FAM240C: variants seen among roughly 807,000 people sequenced by gnomAD.
FAM240C encodes the protein family with sequence similarity 240 member C, also known as protein FAM240C.
In FAM240C, 14 loss-of-function variants were observed where a neutral mutation model predicts 10.0. That is an observed-to-expected ratio of 1.40 (90% CI 0.92 to 2.19). The LOEUF (loss-of-function observed/expected upper bound fraction) is 2.19, where lower values mean the gene tolerates loss of function less well. FAM240C is among the 30% of genes most tolerant of loss of function. FAM240C has a pLI of 0.00. For missense variants in FAM240C, 154 were observed against 122.3 expected (o/e 1.26, Z -1.22); for synonymous variants, 49 against 44.3 (o/e 1.11, Z -0.42).
chr2:241,897,966 C>G (rs921090125), intron 1 of FAM240C, among the ~76,000 whole-genome samples: 1 of 152,156 alleles, frequency 6.6e-6, no homozygotes, highest in East Asian at 1.9e-4. Flanking sequence ...AGCTCCTGGG[C>G]TCAAGCAGTC....
At chr2:241,898,283 G>T (rs1205459540) in intron 1 of FAM240C, among the ~76,000 whole-genome samples, 1 of 152,204 alleles carries the variant, frequency 6.6e-6, no homozygotes, top group African/African-American at 2.4e-5. Context: ...GGGCGTGGTG[G>T]CTCACGCCTG....
rs959636674 is a variant in FAM240C, at chr2:241,900,239, G to A, written c.12+119C>T. 9.1e-6 allele frequency: 6 copies of A among 662,780 alleles called. No homozygotes were observed. Among genetic ancestry groups the A allele is most frequent in the African/African-American group, 3.6e-5 (2 of 55,608 alleles). 41.1% of individuals were successfully genotyped at this position (662,780 alleles called of 1,614,324 possible). A position where few individuals can be genotyped will look rare whatever the true frequency, so the allele number is the denominator to read the frequency against. On this transcript the variant is annotated intron_variant, in intron 1 of 2. Transcript: ENST00000404031. This position sits in a 1 kb window ranked among gnomAD's most constrained non-coding sequence, Gnocchi z 4.5. ...AAGTTCAGTTCCCCCAGCGAAATGC[G>A]GGTGGGCTCACGTCTTGTGCCAGAT...
At chr2:241,898,639 G>A (rs538793680) in intron 1 of FAM240C, among the ~76,000 whole-genome samples, 4 of 152,258 alleles carry the variant, frequency 2.6e-5, no homozygotes, top group South Asian at 4.1e-4. Context: ...CCCTCCTCCC[G>A]ATTTCACCCA....
Position 241,894,353 on chromosome 2 carries a change from A to G in FAM240C, c.162-14T>C. ...CCCACGCGGAGCCTGGGGCAGGGCG[A>G]TAATTTCGGCATTGTGAGTCAAGCT... On this transcript the variant is annotated splice_polypyrimidine_tract_variant and intron_variant, in intron 2 of 2. Transcript: ENST00000404031. 6.5e-7 allele frequency: 1 copy of G among 1,534,584 alleles called. No homozygotes were observed. Among genetic ancestry groups the G allele is most frequent in the South Asian group, 1.2e-5 (1 of 83,786 alleles).
chr2:241,895,156 C>T (rs1046136534), intron 2 of FAM240C, among the ~76,000 whole-genome samples: 6 of 152,256 alleles, frequency 3.9e-5, no homozygotes, highest in Non-Finnish European at 8.8e-5. Context: ...CAGTGTACCC[C>T]GGACGGCTGG....
chr2:241,894,143 G>C lies in FAM240C; in HGVS notation c.*70C>G. On this transcript the variant is annotated 3_prime_UTR_variant, in exon 3 of 3. Coordinates refer to ENST00000404031, the MANE Select transcript of FAM240C (RefSeq NM_001382368.1). Reference sequence around the variant, plus strand: ...CTGTGAACTCTGGCGTGGATGCTTGGACCCCACGCGTGGTGTTCCTTCTCC... The same window carrying C: ...CTGTGAACTCTGGCGTGGATGCTTGCACCCCACGCGTGGTGTTCCTTCTCC... 1 of 1,490,584 alleles carries C rather than the reference G, an allele frequency of 6.7e-7. No homozygotes were observed. The highest frequency in any genetic ancestry group is 9.0e-7 in the Non-Finnish European group (1 of 1,106,564). 92.3% of individuals were successfully genotyped at this position (1,490,584 alleles called of 1,614,324 possible).
intron 1 of FAM240C, among the ~76,000 whole-genome samples, chr2:241,898,781 A>C (rs1304304217): frequency 6.6e-6 from 1 of 152,050 alleles, no homozygotes; most frequent in East Asian, 1.9e-4. Flanking sequence ...TGGGGTTTAC[A>C]CAAGGGAGCC....
At chr2:241,902,279 T>TGCCGGGCTCCAGCC (rs1702000406), upstream of FAM240C, among the ~76,000 whole-genome samples, 4 of 142,892 alleles carry the variant, frequency 2.8e-5, no homozygotes, top group South Asian at 6.7e-4. This position sits in a 1 kb window ranked among gnomAD's most constrained non-coding sequence, Gnocchi z 7.1. Context: ...GGGCTCCAGC[T>TGCCGGGCTCCAGCC]ACCGGGCTCA....
chr2:241,896,605 G>T (rs1047847097), intron 2 of FAM240C, among the ~76,000 whole-genome samples: 7 of 118,162 alleles, frequency 5.9e-5, no homozygotes, highest in African/African-American at 1.5e-4. Context: ...GGGTGAAGGG[G>T]TGTGGGTGTG....
rs1365416562 is a variant in FAM240C at position 241,897,236 on chromosome 2, T to C, written c.111A>G (p.Ala37=). Residue 37 remains alanine (A), a synonymous_variant, in exon 2 of 3, where the codon GCA becomes GCG. Coordinates refer to ENST00000404031, the MANE Select transcript of FAM240C (RefSeq NM_001382368.1). ...TGATGTCCTCGTTCTGCAGGTGTCT[T>C]GCGTGATGCTCGATTTTTTTCTCCC... ...MFWEKKIEHH[A]RHLQNEDIRV... The C allele has an allele frequency of 1.3e-6, 2 of 1,549,990 alleles. No homozygotes were observed. The highest frequency in any genetic ancestry group is 1.7e-6 in the Non-Finnish European group (2 of 1,146,544).
intron 2 of FAM240C, among the ~76,000 whole-genome samples, chr2:241,895,942 C>T (rs894951448): frequency 2.3e-4 from 31 of 134,458 alleles, no homozygotes; most frequent in African/African-American, 6.9e-4. Context: ...AGGCAGGGCC[C>T]GTGGGGCAAG....
upstream of FAM240C, among the ~76,000 whole-genome samples, chr2:241,901,085 C>T (rs1433514919): frequency 6.6e-6 from 1 of 152,152 alleles, no homozygotes; most frequent in Admixed American, 6.5e-5. The surrounding 1 kb of genome is among the most constrained non-coding windows in gnomAD (Gnocchi z 4.9). Flanking sequence ...AGCGATTCCT[C>T]CTTCCTCCAC....
upstream of FAM240C, chr2:241,900,482 C>T (rs1012458218): frequency 6.1e-5 from 42 of 685,170 alleles, no homozygotes; most frequent in Non-Finnish European, 1.1e-4. This position sits in a 1 kb window ranked among gnomAD's most constrained non-coding sequence, Gnocchi z 4.5. Context: ...CTCAGTGACA[C>T]GCATGCTTGG....
At position 241,897,464 on chromosome 2, in the gene FAM240C, C is replaced by T. The variant is rs918979931; in HGVS notation, c.13-130G>A. The T allele has an allele frequency of 2.5e-4, 272 of 1,070,256 alleles. 1 individual carries two copies. Among genetic ancestry groups the T allele is most frequent in the Non-Finnish European group, 3.3e-4 (246 of 752,634 alleles). The allele number at this position is 1,070,256 out of a possible 1,614,324, so 66.3% of individuals were successfully genotyped here. On this transcript the variant is annotated intron_variant, in intron 1 of 2. Coordinates refer to ENST00000404031, the MANE Select transcript of FAM240C (RefSeq NM_001382368.1). ...CATCGTGGTCCCCGCCTTCCTGGTT[C>T]GTGGGGGATGGCGGAGGCTGCCCTC... is the stretch of plus-strand genomic sequence containing the variant.
upstream of FAM240C, among the ~76,000 whole-genome samples, chr2:241,902,276 A>G (rs1420513619): frequency 2.4e-5 from 3 of 124,894 alleles, no homozygotes; most frequent in Non-Finnish European, 4.8e-5. The surrounding 1 kb of genome is among the most constrained non-coding windows in gnomAD (Gnocchi z 7.1). Flanking sequence ...GCCGGGCTCC[A>G]GCTACCGGGC....
intron 1 of FAM240C, among the ~76,000 whole-genome samples, chr2:241,898,277 G>A (rs751647187): frequency 1.3e-5 from 2 of 152,216 alleles, no homozygotes; most frequent in African/African-American, 2.4e-5. Context: ...AAGGCCGGGC[G>A]TGGTGGCTCA....
At chr2:241,899,205 G>A in intron 1 of FAM240C, 1 of 1,303,990 alleles carries the variant, frequency 7.7e-7, no homozygotes, top group Non-Finnish European at 1.0e-6. Context: ...GGAGCTTGAT[G>A]TGACCCCTGG....
At chr2:241,899,426 G>A (rs1021501702) in intron 1 of FAM240C, 17 of 783,742 alleles carry the variant, frequency 2.2e-5, no homozygotes, top group African/African-American at 1.5e-4. Context: ...GGACGCTGGC[G>A]CGAATTCAGT....
intron 2 of FAM240C, 68 bp from the exon 3 acceptor site, chr2:241,894,407 G>A: frequency 6.7e-7 from 1 of 1,491,684 alleles, no homozygotes; most frequent in Non-Finnish European, 9.0e-7. Context: ...CCAAGCCCGT[G>A]TCTCTCAGCA....
Sources: allele counts gnomAD v4.1 joint callset (sites outside exome capture counted in the v4.1 genomes callset), GRCh38; gene constraint gnomAD v4.1.1; non-coding constraint Gnocchi (gnomAD v3.1); transcripts MANE v1.5; gene names NCBI Gene and HGNC (gene_info 2026-07-23, HGNC 2026-07-21).